AUTS2: variants seen among roughly 807,000 people sequenced by gnomAD.
The protein encoded by AUTS2 is activator of transcription and developmental regulator AUTS2.
AUTS2 carries 17 observed loss-of-function variants against 112.4 expected under a neutral mutation model. The ratio of observed to expected loss-of-function variants is 0.15; its 90% CI spans 0.10 to 0.23. AUTS2 has a LOEUF of 0.23. Ranked by LOEUF, AUTS2 falls within the 10% of genes least tolerant of loss-of-function variation. AUTS2 has a pLI of 1.00. For missense variants in AUTS2, 1,510 were observed against 1,701.6 expected, an observed-to-expected ratio of 0.89 and a Z score of 1.98; for synonymous variants, 751 against 702.7, an observed-to-expected ratio of 1.07 and a Z score of -1.09.
intron 2 of AUTS2, among the ~76,000 whole-genome samples, chr7:70,086,809 A>G (rs1028441118): frequency 6.6e-6 from 1 of 152,102 alleles, no homozygotes; most frequent in Non-Finnish European, 1.5e-5. Flanking sequence ...TAACTTTTGT[A>G]TATTTATCAT....
intron 1 of AUTS2, among the ~76,000 whole-genome samples, chr7:69,777,242 C>T (rs532931766): frequency 4.5e-4 from 68 of 152,272 alleles, no homozygotes; most frequent in Non-Finnish European, 8.7e-4. Flanking sequence ...CACCTCCTAA[C>T]CCTTACCTTC....
chr7:70,498,211 T>C (rs1405910361), intron 5 of AUTS2, among the ~76,000 whole-genome samples: 2 of 152,208 alleles, frequency 1.3e-5, no homozygotes, highest in Non-Finnish European at 2.9e-5. Flanking sequence ...GAAACCGGCA[T>C]GCGTTGCCTT....
intron 1 of AUTS2, among the ~76,000 whole-genome samples, chr7:69,678,151 A>G (rs1478479049): frequency 1.3e-5 from 2 of 152,076 alleles, no homozygotes; most frequent in East Asian, 3.9e-4. Context: ...CTGAAAGGCC[A>G]GTATTCTTTC....
chr7:70,591,733 T>C (rs970528797), intron 5 of AUTS2, among the ~76,000 whole-genome samples: 3 of 152,166 alleles, frequency 2.0e-5, no homozygotes, highest in Non-Finnish European at 4.4e-5. Context: ...TGCGTTTGTT[T>C]ATGCTCCCCC....
intron 4 of AUTS2, among the ~76,000 whole-genome samples, chr7:70,404,696 C>T (rs1191478468): frequency 6.6e-6 from 1 of 152,162 alleles, no homozygotes; most frequent in Non-Finnish European, 1.5e-5. Flanking sequence ...TGGGGGGACC[C>T]TGTTCACCTT....
Position 70,763,130 on chromosome 7 carries a change from C to G in AUTS2, c.1003C>G (p.Pro335Ala). The stretch of plus-strand genomic sequence containing the variant: ...GCGCACAGAGGCCCCACCTCAACCC[C>G]CACCTCTGAGTACACAGCCACCACA... ...VQRTEAPPQP[P>A]PLSTQPPQGP... Residue 335 changes from proline (P) to alanine (A), a missense_variant, in exon 7 of 19, where the codon CCA becomes GCA. By Grantham distance (27) the Pro-to-Ala change is conservative (BLOSUM62 -1). Transcript: ENST00000342771. 1 of 1,614,008 alleles carries G rather than the reference C, an allele frequency of 6.2e-7. No individual in the cohort carries two copies. The highest frequency in any genetic ancestry group is 8.5e-7 in the Non-Finnish European group (1 of 1,179,984).
At chr7:69,857,226 A>T (rs1329703149) in intron 1 of AUTS2, among the ~76,000 whole-genome samples, 1 of 152,100 alleles carries the variant, frequency 6.6e-6, no homozygotes, top group African/African-American at 2.4e-5. Context: ...GTCTAATAAA[A>T]TCCCTGCTCT....
intron 2 of AUTS2, among the ~76,000 whole-genome samples, chr7:70,037,818 A>G (rs1488760675): frequency 6.6e-6 from 1 of 152,192 alleles, no homozygotes; most frequent in African/African-American, 2.4e-5. Context: ...TTGTTATTAT[A>G]GGATTAAATA....
At chr7:69,977,454 A>T (rs1798107215) in intron 2 of AUTS2, among the ~76,000 whole-genome samples, 1 of 152,040 alleles carries the variant, frequency 6.6e-6, no homozygotes, top group South Asian at 2.1e-4. Context: ...TTTAGGATGC[A>T]TTTTTCTATT....
chr7:69,996,457 T>C (rs1368487488), intron 2 of AUTS2, among the ~76,000 whole-genome samples: 1 of 152,202 alleles, frequency 6.6e-6, no homozygotes, highest in East Asian at 1.9e-4. Flanking sequence ...ATCATGGGTG[T>C]AGAAAGCCTG....
chr7:70,774,919 T>A (rs1425065082), intron 12 of AUTS2: 1 of 170,780 alleles, frequency 5.9e-6, no homozygotes, highest in Non-Finnish European at 1.2e-5. Flanking sequence ...TGTAAGGGTA[T>A]TGGTAAAGAG....
intron 1 of AUTS2, among the ~76,000 whole-genome samples, chr7:69,637,594 G>T (rs1413229071): frequency 6.6e-6 from 1 of 152,212 alleles, no homozygotes. Context: ...AGCTGCTGCT[G>T]TAAGACAAAA....
At chr7:70,157,976 T>G (rs1428932853) in intron 4 of AUTS2, among the ~76,000 whole-genome samples, 2 of 152,174 alleles carry the variant, frequency 1.3e-5, no homozygotes, top group African/African-American at 4.8e-5. Context: ...AAACTGGGAA[T>G]GCCTGATCTG....
At chr7:69,652,165 T>C (rs932706678) in intron 1 of AUTS2, among the ~76,000 whole-genome samples, 2 of 152,114 alleles carry the variant, frequency 1.3e-5, no homozygotes, top group Non-Finnish European at 2.9e-5. Flanking sequence ...GCAGTATTGC[T>C]CTTATACTCT....
chr7:70,655,937 A>G (rs914258520), intron 5 of AUTS2, among the ~76,000 whole-genome samples: 1 of 152,242 alleles, frequency 6.6e-6, no homozygotes, highest in Admixed American at 6.5e-5. Context: ...TTTGTTGATC[A>G]TCTGCAGACA....
intron 4 of AUTS2, among the ~76,000 whole-genome samples, chr7:70,160,462 TA>T (rs1316293857): frequency 1.3e-5 from 2 of 152,326 alleles, no homozygotes; most frequent in African/African-American, 4.8e-5. Context: ...GAATAACTTC[TA>T]ACTCATTAAA....
At chr7:70,509,214 A>G (rs115000549) in intron 5 of AUTS2, among the ~76,000 whole-genome samples, 96 of 152,366 alleles carry the variant, frequency 6.3e-4, no homozygotes, top group African/African-American at 2.2e-3. Context: ...CACAGGGAAT[A>G]CAGCAGAGGG....
intron 5 of AUTS2, among the ~76,000 whole-genome samples, chr7:70,518,411 G>A (rs571831926): frequency 1.1e-3 from 164 of 152,140 alleles, no homozygotes; most frequent in Non-Finnish European, 1.6e-3. Flanking sequence ...GGCTGGGTGC[G>A]GTGGCTCATG....
intron 6 of AUTS2, among the ~76,000 whole-genome samples, chr7:70,752,079 A>C (rs576938959): frequency 6.6e-6 from 1 of 151,986 alleles, no homozygotes; most frequent in Non-Finnish European, 1.5e-5. Context: ...TGCGTAGTAC[A>C]CAGTGTCATG....
Sources: gnomAD v4.1 joint callset for allele counts (sites outside exome capture counted in the v4.1 genomes callset) on GRCh38, gnomAD v4.1.1 for gene constraint, MANE v1.5 for transcripts, NCBI Gene and HGNC (gene_info 2026-07-23, HGNC 2026-07-21) for gene names.